Variants in EXOC6 observed in about 807,000 individuals in gnomAD.
The protein encoded by EXOC6 is SEC15-like 1.
In EXOC6, 60 loss-of-function variants were observed where a neutral mutation model predicts 112.5. The observed-to-expected ratio is 0.53, with a 90% CI of 0.43 to 0.66. The LOEUF (loss-of-function observed/expected upper bound fraction) is 0.66. EXOC6 is among the 30% of genes least tolerant of loss of function. The pLI, the probability that EXOC6 is intolerant of heterozygous loss-of-function variation, is 0.00. For missense variants in EXOC6, 855 were observed against 957.1 expected (o/e 0.89, Z 1.41); for synonymous variants, 295 against 308.0 (o/e 0.96, Z 0.44).
intron 19 of EXOC6, among the ~76,000 whole-genome samples, chr10:93,001,968 A>G (rs1459726735): frequency 6.6e-6 from 1 of 152,228 alleles, no homozygotes; most frequent in Non-Finnish European, 1.5e-5. Context: ...TTAAATATAG[A>G]GATACTCAGG....
At chr10:93,041,054 C>T (rs1845746788) in intron 20 of EXOC6, among the ~76,000 whole-genome samples, 1 of 152,170 alleles carries the variant, frequency 6.6e-6, no homozygotes, top group Admixed American at 6.5e-5. Flanking sequence ...GCTGTGTGAC[C>T]AAAGCTGTTG....
chr10:92,949,544 A>G (rs1228204556), intron 14 of EXOC6, among the ~76,000 whole-genome samples: 1 of 148,980 alleles, frequency 6.7e-6, no homozygotes, highest in Non-Finnish European at 1.5e-5. Context: ...TAGTGTCTAT[A>G]TAAAGAGCAC....
intron 4 of EXOC6, among the ~76,000 whole-genome samples, chr10:92,896,099 GTATATATATGTGTATATATA>G (rs1849756361): frequency 6.0e-5 from 1 of 16,726 alleles, no homozygotes; most frequent in Non-Finnish European, 8.2e-5. Flanking sequence ...ATATATGTGT[GTATATATATGTGTATATATA>G]TGTGTGTGTG....
chr10:92,862,277 G>A (rs917850070), intron 1 of EXOC6, among the ~76,000 whole-genome samples: 2 of 151,990 alleles, frequency 1.3e-5, no homozygotes, highest in African/African-American at 4.8e-5. Flanking sequence ...CCACGTTAGC[G>A]TGCTCATTTA....
chr10:92,839,104 T>C (rs1482060278), intron 1 of EXOC6, among the ~76,000 whole-genome samples: 1 of 151,954 alleles, frequency 6.6e-6, no homozygotes, highest in Non-Finnish European at 1.5e-5. Context: ...TTGCAGAATA[T>C]TGGTAGGCTG....
chr10:92,986,117 T>C (rs536462283), intron 18 of EXOC6, among the ~76,000 whole-genome samples: 9 of 152,196 alleles, frequency 5.9e-5, no homozygotes, highest in African/African-American at 2.2e-4. Context: ...ACTGTGATAC[T>C]TTCATTATCA....
chr10:92,923,199 C>T (rs1487108804), intron 8 of EXOC6, among the ~76,000 whole-genome samples: 1 of 152,164 alleles, frequency 6.6e-6, no homozygotes, highest in Non-Finnish European at 1.5e-5. Flanking sequence ...GAATCAGGCA[C>T]ACAATTTTTT....
At chr10:92,972,237 A>G (rs930302804) in intron 17 of EXOC6, among the ~76,000 whole-genome samples, 3 of 152,172 alleles carry the variant, frequency 2.0e-5, no homozygotes, top group East Asian at 3.9e-4. Flanking sequence ...GACGTCCCCA[A>G]ATGCTGCTGG....
At chr10:92,953,315 G>A (rs1288598130) in intron 15 of EXOC6, among the ~76,000 whole-genome samples, 1 of 152,152 alleles carries the variant, frequency 6.6e-6, no homozygotes. Context: ...TTGGCCTCAA[G>A]CAATCCACCC....
At chr10:93,054,104 A>G (rs1846433204) in intron 20 of EXOC6, among the ~76,000 whole-genome samples, 1 of 152,226 alleles carries the variant, frequency 6.6e-6, no homozygotes, top group South Asian at 2.1e-4. Context: ...GTGTTACTGT[A>G]GTTTAAATTA....
At chr10:92,986,590 G>A (rs927160121) in intron 18 of EXOC6, among the ~76,000 whole-genome samples, 9 of 150,752 alleles carry the variant, frequency 6.0e-5, no homozygotes, top group African/African-American at 2.2e-4. Context: ...AGGCGATACT[G>A]GAAGTTCAGC....
intron 1 of EXOC6, 127 bp downstream of exon 1, chr10:92,848,761 G>A: frequency 1.4e-6 from 1 of 707,194 alleles, no homozygotes; most frequent in Non-Finnish European, 1.8e-6. Context: ...GCGGGGGCGG[G>A]CGGGGGCGCT....
intron 1 of EXOC6, among the ~76,000 whole-genome samples, chr10:92,889,850 A>G (rs1055466656): frequency 6.6e-6 from 1 of 152,024 alleles, no homozygotes; most frequent in Non-Finnish European, 1.5e-5. Flanking sequence ...CCTGGGCTCA[A>G]GCAATTTTCC....
intron 1 of EXOC6, among the ~76,000 whole-genome samples, chr10:92,882,811 G>A (rs552813805): frequency 6.6e-6 from 1 of 152,128 alleles, no homozygotes; most frequent in Non-Finnish European, 1.5e-5. Context: ...TTTCAAGTGG[G>A]TTATAAATTG....
intron 17 of EXOC6, among the ~76,000 whole-genome samples, chr10:92,973,435 A>G (rs74675937): frequency 0.011 from 1,622 of 152,302 alleles, 34 homozygotes; most frequent in African/African-American, 0.037. Context: ...CAAGTTTTGA[A>G]CTAATTTTCA....
At chr10:92,873,745 C>T (rs1848559611) in intron 1 of EXOC6, among the ~76,000 whole-genome samples, 1 of 151,796 alleles carries the variant, frequency 6.6e-6, no homozygotes, top group African/African-American at 2.4e-5. Context: ...TTCAGTATTC[C>T]GTGGTGAAAG....
chr10:92,934,699 T>C (rs1852252723), intron 11 of EXOC6, among the ~76,000 whole-genome samples: 1 of 152,150 alleles, frequency 6.6e-6, no homozygotes, highest in African/African-American at 2.4e-5. Context: ...ACCTCTTCAT[T>C]AGATCTCTGA....
At chr10:92,975,331 A>C (rs1842479311) in intron 18 of EXOC6, among the ~76,000 whole-genome samples, 1 of 145,162 alleles carries the variant, frequency 6.9e-6, no homozygotes, top group African/African-American at 2.6e-5. Context: ...TCTGCCTGGC[A>C]ACCGCCCGGT....
upstream of EXOC6, among the ~76,000 whole-genome samples, chr10:92,829,984 G>A (rs146752767): frequency 2.0e-4 from 30 of 152,266 alleles, no homozygotes; most frequent in African/African-American, 6.3e-4. Flanking sequence ...CTCAATTCTG[G>A]GAATCACCCA....
Sources: gnomAD v4.1 joint callset for allele counts (sites outside exome capture counted in the v4.1 genomes callset) on GRCh38, gnomAD v4.1.1 for gene constraint, MANE v1.5 for transcripts, NCBI Gene and HGNC (gene_info 2026-07-23, HGNC 2026-07-21) for gene names.